Variants in STPG2 observed in about 807,000 individuals in gnomAD.
The protein encoded by STPG2 is sperm tail PG-rich repeat containing 2, also known as sperm-tail PG-rich repeat-containing protein 2.
In STPG2, 56 loss-of-function variants were observed where a neutral mutation model predicts 54.2. The ratio of observed to expected loss-of-function variants is 1.03; its 90% CI spans 0.83 to 1.29. The LOEUF (loss-of-function observed/expected upper bound fraction) is 1.29. Among genes scored for constraint, STPG2 ranks in the 50% most tolerant of loss-of-function variants. The probability of loss-of-function intolerance (pLI) is 0.00; values close to 1 mark genes in which losing one functional copy is unlikely to be tolerated. For missense variants in STPG2, 596 were observed against 544.9 expected (o/e 1.09, Z -0.93); for synonymous variants, 200 against 181.8 (o/e 1.10, Z -0.81).
chr4:97,860,466 A>AGTTTT (rs1266789149), intron 8 of STPG2, among the ~76,000 whole-genome samples: 4 of 116,802 alleles, frequency 3.4e-5, no homozygotes, highest in African/African-American at 1.2e-4. Flanking sequence ...TATATTCCTA[A>AGTTTT]GTTTTATTTT....
intron 4 of STPG2, among the ~76,000 whole-genome samples, chr4:97,497,581 T>C (rs950528846): frequency 4.6e-5 from 7 of 151,898 alleles, no homozygotes; most frequent in African/African-American, 1.7e-4. Context: ...TTCATTTTGT[T>C]AGCTAAAATT....
chr4:97,495,309 C>T (rs1730582482), intron 4 of STPG2, among the ~76,000 whole-genome samples: 1 of 151,162 alleles, frequency 6.6e-6, no homozygotes, highest in East Asian at 2.0e-4. Flanking sequence ...CTATTTCTGT[C>T]TAAGCTAAAG....
chr4:97,918,016 C>T (rs1425756553), intron 8 of STPG2, among the ~76,000 whole-genome samples: 1 of 151,972 alleles, frequency 6.6e-6, no homozygotes, highest in Non-Finnish European at 1.5e-5. Flanking sequence ...GAGAACTCTG[C>T]ATTTAACAAA....
chr4:97,871,501 G>A (rs1034622705), intron 8 of STPG2, among the ~76,000 whole-genome samples: 2 of 150,890 alleles, frequency 1.3e-5, no homozygotes, highest in Non-Finnish European at 3.0e-5. Flanking sequence ...AATGAAAAAA[G>A]TCATACTAGT....
chr4:97,946,410 T>A (rs1295743200), intron 7 of STPG2, among the ~76,000 whole-genome samples: 3 of 152,110 alleles, frequency 2.0e-5, no homozygotes, highest in Non-Finnish European at 2.9e-5. Flanking sequence ...TAGGTCTAAT[T>A]TGTTTATTTT....
At chr4:97,580,449 ATTGT>A (rs1173758743) in intron 10 of STPG2, among the ~76,000 whole-genome samples, 2 of 151,948 alleles carry the variant, frequency 1.3e-5, no homozygotes, top group East Asian at 3.9e-4. Context: ...TATTTACTTG[ATTGT>A]TTAAGAAGGA....
intron 9 of STPG2, among the ~76,000 whole-genome samples, chr4:97,818,923 G>T (rs1727998543): frequency 1.4e-5 from 2 of 147,512 alleles, no homozygotes; most frequent in African/African-American, 4.9e-5. Flanking sequence ...TACTCTCTCT[G>T]TATATATATT....
chr4:97,750,078 T>C (rs1270357335), intron 9 of STPG2, among the ~76,000 whole-genome samples: 1 of 151,882 alleles, frequency 6.6e-6, no homozygotes, highest in African/African-American at 2.4e-5. Context: ...TTTATTATTA[T>C]GAGTTATCAG....
intron 4 of STPG2, among the ~76,000 whole-genome samples, chr4:97,494,814 A>C (rs1221889335): frequency 6.6e-6 from 1 of 151,542 alleles, no homozygotes; most frequent in African/African-American, 2.4e-5. Flanking sequence ...TTCATTCCAC[A>C]AGCTTTTACA....
intron 10 of STPG2, among the ~76,000 whole-genome samples, chr4:97,664,385 C>A (rs1722460153): frequency 6.6e-6 from 1 of 152,166 alleles, no homozygotes; most frequent in South Asian, 2.1e-4. Context: ...CAATGACAGT[C>A]TAATATAAGC....
chr4:97,996,974 T>C (rs144000290), intron 5 of STPG2, among the ~76,000 whole-genome samples: 3,154 of 152,292 alleles, frequency 0.021, 121 homozygotes, highest in Admixed American at 0.11. Context: ...AAGGAATGCT[T>C]ATACACTGCT....
At chr4:97,509,196 C>CCTT (rs1312386158) in intron 4 of STPG2, among the ~76,000 whole-genome samples, 3 of 151,960 alleles carry the variant, frequency 2.0e-5, no homozygotes, top group Admixed American at 2.0e-4. Context: ...TCCTGACAGT[C>CCTT]TGTAGCTCCT....
In STPG2 at chr4:97,570,714, G is replaced by A. The variant is rs552079827; in HGVS notation, c.1321-11597C>T. On this transcript the variant is annotated intron_variant, in intron 10 of 10. Transcript: ENST00000295268. Reference sequence around the variant, plus strand: ...ACTAACCTTTATCTACCACTTATTAGCCTTCCCCCAAGTTGCTGCCTCAAC... The same window carrying A: ...ACTAACCTTTATCTACCACTTATTAACCTTCCCCCAAGTTGCTGCCTCAAC... Among the ~76,000 whole-genome samples the A allele has an allele frequency of 5.9e-5, 9 of 152,126 alleles. No homozygotes were observed. The East Asian group carries it at 1.7e-3, about 29-fold the overall frequency.
intron 8 of STPG2, among the ~76,000 whole-genome samples, chr4:97,903,727 G>T (rs916581926): frequency 6.6e-6 from 1 of 152,188 alleles, no homozygotes; most frequent in Non-Finnish European, 1.5e-5. Context: ...AGTGGGCGCA[G>T]GTCAGTGGGT....
intron 7 of STPG2, among the ~76,000 whole-genome samples, chr4:97,961,634 A>C (rs913897095): frequency 6.6e-6 from 1 of 152,178 alleles, no homozygotes; most frequent in African/African-American, 2.4e-5. Flanking sequence ...GATCAGGTAA[A>C]TGCAAATCAA....
chr4:97,899,014 C>G (rs1453598761), intron 8 of STPG2, among the ~76,000 whole-genome samples: 2 of 151,552 alleles, frequency 1.3e-5, no homozygotes, highest in East Asian at 3.9e-4. Flanking sequence ...CCAAAAGGAA[C>G]AGAGAGGAAG....
At chr4:97,878,339 A>T (rs996502031) in intron 8 of STPG2, among the ~76,000 whole-genome samples, 2 of 152,128 alleles carry the variant, frequency 1.3e-5, no homozygotes, top group African/African-American at 4.8e-5. Flanking sequence ...CACACCCCAC[A>T]TTTCCCTTCT....
At chr4:97,501,254 T>C (rs1730719214) in intron 4 of STPG2, among the ~76,000 whole-genome samples, 1 of 152,014 alleles carries the variant, frequency 6.6e-6, no homozygotes, top group Non-Finnish European at 1.5e-5. Flanking sequence ...GTGTCTAGGA[T>C]AATTCAGTCA....
At chr4:97,917,471 G>A (rs980834869) in intron 8 of STPG2, 3 of 152,032 alleles carry the variant, frequency 2.0e-5, no homozygotes, top group South Asian at 2.1e-4. Flanking sequence ...ATCTCAATAC[G>A]GGTTCAACAC....
Sources: gnomAD v4.1 joint callset for allele counts (sites outside exome capture counted in the v4.1 genomes callset) on GRCh38, gnomAD v4.1.1 for gene constraint, MANE v1.5 for transcripts, NCBI Gene and HGNC (gene_info 2026-07-23, HGNC 2026-07-21) for gene names.